CCBE1: variants seen among roughly 807,000 people sequenced by gnomAD.
CCBE1 encodes the protein collagen and calcium binding EGF domains 1.
In CCBE1, 37 loss-of-function variants were observed where a neutral mutation model predicts 50.0. That is an observed-to-expected ratio of 0.74 (90% confidence interval 0.57 to 0.97). The LOEUF is 0.97. Ranked by LOEUF, CCBE1 falls within the 50% of genes least tolerant of loss-of-function variation. The pLI, the probability that CCBE1 is intolerant of heterozygous loss-of-function variation, is 0.00. For missense variants in CCBE1, 538 were observed against 523.8 expected, an observed-to-expected ratio of 1.03 and a Z score of -0.26; for synonymous variants, 234 against 203.7, an observed-to-expected ratio of 1.15 and a Z score of -1.27.
chr18:59,554,972 G>C (rs931387507), intron 2 of CCBE1, among the ~76,000 whole-genome samples: 1 of 152,224 alleles, frequency 6.6e-6, no homozygotes, highest in Non-Finnish European at 1.5e-5. Flanking sequence ...CCTGAAGTAA[G>C]CCAAGAACTG....
intron 2 of CCBE1, among the ~76,000 whole-genome samples, chr18:59,574,100 G>A (rs1055994814): frequency 6.6e-6 from 1 of 152,104 alleles, no homozygotes; most frequent in African/African-American, 2.4e-5. Context: ...CTACACCCAG[G>A]TGCCCAGTAA....
chr18:59,513,434 C>T (rs1361763409), intron 2 of CCBE1, among the ~76,000 whole-genome samples: 2 of 152,262 alleles, frequency 1.3e-5, no homozygotes, highest in Admixed American at 1.3e-4. Flanking sequence ...TCTTGTCTGG[C>T]TGTCCAGGAA....
chr18:59,566,770 CTCTT>C (rs2052835509), intron 2 of CCBE1, among the ~76,000 whole-genome samples: 3 of 152,270 alleles, frequency 2.0e-5, no homozygotes, highest in Admixed American at 1.3e-4. Flanking sequence ...TATCACCACT[CTCTT>C]TTTTTGTCCA....
Position 59,632,090 on chromosome 18 carries a change from A to T in CCBE1, c.212+64539T>A, listed in dbSNP as rs1366356475. Among the ~76,000 whole-genome samples the T allele has an allele frequency of 2.0e-5, 3 of 152,176 alleles. No individual in the cohort carries two copies. The South Asian group carries it at 6.2e-4, about 32-fold the overall frequency. ...AAGAGAACAAATAACTAAGCATTGA[A>T]TTTTCTGCTCTAGGCAGAAAGGGCT... is the stretch of plus-strand genomic sequence containing the variant. On this transcript the variant is annotated intron_variant, in intron 2 of 10. Coordinates refer to ENST00000439986, the MANE Select transcript of CCBE1 (RefSeq NM_133459.4).
At chr18:59,565,194 G>C (rs1157380563) in intron 2 of CCBE1, among the ~76,000 whole-genome samples, 1 of 135,378 alleles carries the variant, frequency 7.4e-6, no homozygotes, top group Admixed American at 7.1e-5. Flanking sequence ...TGTCAAAAAT[G>C]TAGGTAGGTA....
chr18:59,678,117 G>T (rs1791365), intron 2 of CCBE1, among the ~76,000 whole-genome samples: 138,797 of 152,184 alleles, frequency 0.91, 64,498 homozygotes, highest in East Asian at 1. Context: ...GTACAATGCT[G>T]ATAAGTGTGT....
chr18:59,651,805 G>A (rs889993964), intron 2 of CCBE1, among the ~76,000 whole-genome samples: 2 of 152,224 alleles, frequency 1.3e-5, no homozygotes, highest in Non-Finnish European at 2.9e-5. Flanking sequence ...AAGGGAAGTG[G>A]AAAGCCAGTG....
chr18:59,635,616 GAGA>G (rs1287231094), intron 2 of CCBE1, among the ~76,000 whole-genome samples: 6 of 152,070 alleles, frequency 3.9e-5, no homozygotes, highest in Non-Finnish European at 5.9e-5. Flanking sequence ...TATTCAGGAA[GAGA>G]AGAAGATATT....
chr18:59,541,730 GA>G (rs1033490559), intron 2 of CCBE1, among the ~76,000 whole-genome samples: 2 of 152,108 alleles, frequency 1.3e-5, no homozygotes, highest in Non-Finnish European at 1.5e-5. Flanking sequence ...AAAGATTTCG[GA>G]AAAGGAAGAC....
rs1175172253 is a variant in CCBE1, at chr18:59,433,228, T to A, written c.*2680A>T. 6.6e-6 allele frequency: 1 copy of A among 151,956 alleles called. No individual in the cohort carries two copies. Among genetic ancestry groups the A allele is most frequent in the Non-Finnish European group, 1.5e-5 (1 of 68,004 alleles). 9.4% of individuals were successfully genotyped at this position (151,956 alleles called of 1,614,324 possible). ...AAAGAGGCAGACTGGTTCCTGGGGT[T>A]ACTGCCCTTCTAGGGGAAAGTGCCA... On this transcript the variant is annotated 3_prime_UTR_variant, in exon 11 of 11. Transcript: ENST00000439986.
chr18:59,571,275 C>A (rs554861180), intron 2 of CCBE1, among the ~76,000 whole-genome samples: 44 of 152,160 alleles, frequency 2.9e-4, no homozygotes, highest in African/African-American at 9.9e-4. Context: ...ATCTTAAGGT[C>A]TTCGATAATA....
chr18:59,485,604 T>C (rs1003497444), intron 2 of CCBE1, among the ~76,000 whole-genome samples: 3 of 150,406 alleles, frequency 2.0e-5, no homozygotes, highest in African/African-American at 7.3e-5. Flanking sequence ...ATTTATTTAT[T>C]TATTTATTTA....
intron 5 of CCBE1, among the ~76,000 whole-genome samples, chr18:59,462,077 C>T (rs2143701710): frequency 6.6e-6 from 1 of 152,208 alleles, no homozygotes; most frequent in African/African-American, 2.4e-5. Context: ...GACAGTAAAG[C>T]TCAATGATAT....
intron 2 of CCBE1, among the ~76,000 whole-genome samples, chr18:59,641,867 G>A (rs1416139531): frequency 2.0e-5 from 3 of 152,228 alleles, no homozygotes; most frequent in Admixed American, 6.5e-5. Context: ...CATTAATATC[G>A]GAGAGGCTTG....
chr18:59,618,578 G>T (rs2053669072), intron 2 of CCBE1, among the ~76,000 whole-genome samples: 1 of 152,056 alleles, frequency 6.6e-6, no homozygotes, highest in Admixed American at 6.6e-5. Context: ...GGGACTACAG[G>T]TGCGTGCCAC....
intron 2 of CCBE1, among the ~76,000 whole-genome samples, chr18:59,657,407 T>C (rs1568257786): frequency 6.6e-6 from 1 of 152,238 alleles, no homozygotes; most frequent in Admixed American, 6.5e-5. Context: ...CCAACGTCCC[T>C]GCCTCCATTT....
chr18:59,662,097 G>A (rs947004474), intron 2 of CCBE1, among the ~76,000 whole-genome samples: 1 of 152,180 alleles, frequency 6.6e-6, no homozygotes, highest in Non-Finnish European at 1.5e-5. Flanking sequence ...GCATTTAGGA[G>A]CACTAGACAT....
chr18:59,609,823 G>A (rs1442924471), intron 2 of CCBE1, among the ~76,000 whole-genome samples: 1 of 152,198 alleles, frequency 6.6e-6, no homozygotes, highest in Non-Finnish European at 1.5e-5. Flanking sequence ...ACCCATACAA[G>A]TAATGACCCA....
At chr18:59,487,560 C>A (rs1009553699) in intron 2 of CCBE1, among the ~76,000 whole-genome samples, 1 of 152,052 alleles carries the variant, frequency 6.6e-6, no homozygotes, top group African/African-American at 2.4e-5. Flanking sequence ...CCCAGGCAAA[C>A]GTTAAGAGTA....
Sources: allele counts gnomAD v4.1 joint callset (sites outside exome capture counted in the v4.1 genomes callset), GRCh38; gene constraint gnomAD v4.1.1; transcripts MANE v1.5; gene names NCBI Gene and HGNC (gene_info 2026-07-23, HGNC 2026-07-21).